The following KCTD16 variants were observed in gnomAD, a reference collection of about 807,000 sequenced individuals.
The protein encoded by KCTD16 is potassium channel tetramerization domain containing 16.
In KCTD16, 13 loss-of-function variants were observed where a neutral mutation model predicts 33.2. The observed-to-expected ratio is 0.39, with a 90% CI of 0.25 to 0.62. The LOEUF is 0.62. KCTD16 is among the 20% of genes least tolerant of loss of function. The probability of loss-of-function intolerance (pLI) is 0.50; values close to 1 mark genes in which losing one functional copy is unlikely to be tolerated. For synonymous variants in KCTD16, 197 were observed against 195.3 expected (o/e 1.01, Z -0.07); for missense variants, 441 against 525.1 (o/e 0.84, Z 1.57).
At chr5:144,356,310 A>G (rs1346728919) in intron 3 of KCTD16, among the ~76,000 whole-genome samples, 1 of 152,178 alleles carries the variant, frequency 6.6e-6, no homozygotes, top group Non-Finnish European at 1.5e-5. Context: ...TCTCTGAGTA[A>G]GTGTGTGTCC....
At chr5:144,384,477 A>AT (rs528196587) in intron 3 of KCTD16, among the ~76,000 whole-genome samples, 145 of 152,170 alleles carry the variant, frequency 9.5e-4, no homozygotes, top group Non-Finnish European at 1.8e-3. Context: ...AAATAAATAC[A>AT]TTTTTTCTAA....
At chr5:144,225,048 C>T (rs1753888008) in intron 3 of KCTD16, among the ~76,000 whole-genome samples, 1 of 152,124 alleles carries the variant, frequency 6.6e-6, no homozygotes, top group Non-Finnish European at 1.5e-5. Context: ...ATTGCCCTGA[C>T]CCGAATTCTG....
At chr5:144,228,029 G>A (rs1445994480) in intron 3 of KCTD16, among the ~76,000 whole-genome samples, 1 of 152,166 alleles carries the variant, frequency 6.6e-6, no homozygotes, top group Non-Finnish European at 1.5e-5. Context: ...TGAATAATAG[G>A]AGTTAGACAT....
chr5:144,453,117 G>A (rs977777098), intron 3 of KCTD16, among the ~76,000 whole-genome samples: 1 of 152,136 alleles, frequency 6.6e-6, no homozygotes, highest in African/African-American at 2.4e-5. Flanking sequence ...GCCATGATCT[G>A]TAACTAGAAC....
At chr5:144,431,054 A>G (rs1464575452) in intron 3 of KCTD16, among the ~76,000 whole-genome samples, 3 of 152,160 alleles carry the variant, frequency 2.0e-5, no homozygotes, top group African/African-American at 4.8e-5. Flanking sequence ...CTCCATGATC[A>G]TGAATTCCAG....
chr5:144,284,439 T>C (rs1030139336), intron 3 of KCTD16, among the ~76,000 whole-genome samples: 2 of 152,244 alleles, frequency 1.3e-5, no homozygotes, highest in African/African-American at 4.8e-5. Flanking sequence ...GCCTATTTTA[T>C]GTTAGAAGAA....
chr5:144,341,469 C>T (rs541213897), intron 3 of KCTD16, among the ~76,000 whole-genome samples: 4 of 152,290 alleles, frequency 2.6e-5, no homozygotes, highest in Admixed American at 2.6e-4. Context: ...TATTGTGAAT[C>T]TGAAGGCTTA....
intron 3 of KCTD16, among the ~76,000 whole-genome samples, chr5:144,409,186 C>G (rs996699893): frequency 6.6e-6 from 1 of 152,124 alleles, no homozygotes; most frequent in African/African-American, 2.4e-5. Context: ...GAGTTAGTTC[C>G]TAGAACTGTA....
chr5:144,403,866 T>C (rs938012711), intron 3 of KCTD16, among the ~76,000 whole-genome samples: 8 of 152,146 alleles, frequency 5.3e-5, no homozygotes, highest in Admixed American at 2.0e-4. Flanking sequence ...GAAGTAACAG[T>C]GAGGCTTTTG....
At chr5:144,214,782 C>A (rs1310061720) in intron 3 of KCTD16, among the ~76,000 whole-genome samples, 4 of 152,136 alleles carry the variant, frequency 2.6e-5, no homozygotes, top group African/African-American at 9.7e-5. Context: ...TCCTATTTTT[C>A]TATATCACAG....
chr5:144,425,646 T>C (rs1038214296), intron 3 of KCTD16, among the ~76,000 whole-genome samples: 9 of 151,970 alleles, frequency 5.9e-5, no homozygotes, highest in Admixed American at 1.3e-4. Flanking sequence ...TGCCAAGACT[T>C]ATGGCTTCTA....
intron 3 of KCTD16, among the ~76,000 whole-genome samples, chr5:144,452,079 T>C (rs1420413034): frequency 6.6e-6 from 1 of 151,016 alleles, no homozygotes; most frequent in Non-Finnish European, 1.5e-5. Flanking sequence ...ATTTTCTCAT[T>C]GATCAGAATG....
chr5:144,324,645 A>G (rs186417156), intron 3 of KCTD16, among the ~76,000 whole-genome samples: 2 of 152,352 alleles, frequency 1.3e-5, no homozygotes, highest in African/African-American at 2.4e-5. Context: ...CTGCAGCACT[A>G]TTCACAATAG....
chr5:144,341,862 T>C (rs988681698), intron 3 of KCTD16, among the ~76,000 whole-genome samples: 1 of 152,224 alleles, frequency 6.6e-6, no homozygotes, highest in Non-Finnish European at 1.5e-5. Flanking sequence ...TTCTCGTTCT[T>C]TGTCACTCAT....
chr5:144,440,427 A>G (rs1485253220), intron 3 of KCTD16, among the ~76,000 whole-genome samples: 2 of 152,130 alleles, frequency 1.3e-5, no homozygotes, highest in Non-Finnish European at 2.9e-5. Flanking sequence ...TGCCAGCACC[A>G]CTTCACATTT....
chr5:144,421,955 G>T (rs1210903725), intron 3 of KCTD16, among the ~76,000 whole-genome samples: 1 of 152,142 alleles, frequency 6.6e-6, no homozygotes, highest in Non-Finnish European at 1.5e-5. Context: ...AGCCATAAAG[G>T]CCCTAGATAG....
At chr5:144,226,947 G>A (rs897208698) in intron 3 of KCTD16, among the ~76,000 whole-genome samples, 1 of 152,116 alleles carries the variant, frequency 6.6e-6, no homozygotes, top group Non-Finnish European at 1.5e-5. Flanking sequence ...TATGCTAAGG[G>A]TTTTATGCAT....
chr5:144,376,424 G>A (rs1280859881), intron 3 of KCTD16, among the ~76,000 whole-genome samples: 1 of 152,126 alleles, frequency 6.6e-6, no homozygotes, highest in Non-Finnish European at 1.5e-5. Context: ...CTGAGAAAAT[G>A]ATTTGATAAG....
chr5:144,269,099 A>G (rs1046197336), intron 3 of KCTD16, among the ~76,000 whole-genome samples: 3 of 152,098 alleles, frequency 2.0e-5, no homozygotes, highest in African/African-American at 7.2e-5. Context: ...GGATATGAGG[A>G]ATATCATCAA....
Sources: allele counts gnomAD v4.1 joint callset (sites outside exome capture counted in the v4.1 genomes callset), GRCh38; gene constraint gnomAD v4.1.1; transcripts MANE v1.5; gene names NCBI Gene and HGNC (gene_info 2026-07-23, HGNC 2026-07-21).